The following WNT9B variants were observed in gnomAD, a reference collection of about 807,000 sequenced individuals.
WNT9B encodes the protein protein Wnt-9b.
Under a neutral mutation model 30.2 loss-of-function variants are expected in WNT9B, and 12 were observed. The ratio of observed to expected loss-of-function variants is 0.40; its 90% CI spans 0.26 to 0.64. The LOEUF is 0.64. WNT9B is among the 30% of genes least tolerant of loss of function. The pLI is 0.42. For missense variants in WNT9B, 442 were observed against 485.2 expected (o/e 0.91, Z 0.84); for synonymous variants, 218 against 216.9 (o/e 1.01, Z -0.05).
At chr17:46,884,242 C>T (rs1163263536), downstream of WNT9B, among the ~76,000 whole-genome samples, 1 of 152,210 alleles carries the variant, frequency 6.6e-6, no homozygotes, top group African/African-American at 2.4e-5. Flanking sequence ...CCGGGGTCAC[C>T]TGACGCTGAC....
At chr17:46,851,113 G>T (rs2084836263), upstream of WNT9B, among the ~76,000 whole-genome samples, 1 of 152,156 alleles carries the variant, frequency 6.6e-6, no homozygotes, top group Non-Finnish European at 1.5e-5. This position sits in a 1 kb window ranked among gnomAD's most constrained non-coding sequence, Gnocchi z 4.3. Context: ...GAGTCTGCGG[G>T]CTGCGGCGAA....
At chr17:46,883,135 C>T (rs565745537), downstream of WNT9B, among the ~76,000 whole-genome samples, 55 of 152,050 alleles carry the variant, frequency 3.6e-4, no homozygotes, top group Non-Finnish European at 7.4e-4. Context: ...CCCGCCACCA[C>T]GCCCGGCTAA....
At chr17:46,836,726 A>T (rs1377248672) in intron 1 of WNT9B, among the ~76,000 whole-genome samples, 1 of 152,154 alleles carries the variant, frequency 6.6e-6, no homozygotes, top group Non-Finnish European at 1.5e-5. Context: ...GGAGGTGAGC[A>T]GGGTTGGCCA....
chr17:46,841,100 G>A (rs1040628812), intron 1 of WNT9B, among the ~76,000 whole-genome samples: 25 of 152,188 alleles, frequency 1.6e-4, no homozygotes, highest in African/African-American at 4.8e-4. Flanking sequence ...CTAGGAAAGA[G>A]GGTGCCGACA....
intron 1 of WNT9B, among the ~76,000 whole-genome samples, chr17:46,854,047 G>T (rs1255169169): frequency 1.3e-5 from 2 of 152,120 alleles, no homozygotes; most frequent in Admixed American, 1.3e-4. Context: ...CAGGTCAGGA[G>T]CCCAGCTGGA....
upstream of WNT9B, among the ~76,000 whole-genome samples, chr17:46,847,442 G>T (rs2084788957): frequency 6.6e-6 from 1 of 152,220 alleles, no homozygotes; most frequent in African/African-American, 2.4e-5. Context: ...GTGCAATGTT[G>T]CAAGGGCATT....
At chr17:46,859,667 G>A (rs1427622577) in intron 1 of WNT9B, among the ~76,000 whole-genome samples, 3 of 152,124 alleles carry the variant, frequency 2.0e-5, no homozygotes, top group African/African-American at 7.2e-5. Context: ...AATTGCATGG[G>A]CTATTCAGGG....
intron 1 of WNT9B, among the ~76,000 whole-genome samples, chr17:46,838,754 G>A (rs1384045757): frequency 1.3e-5 from 2 of 152,156 alleles, no homozygotes; most frequent in Admixed American, 6.6e-5. Flanking sequence ...CAGCCTTCAA[G>A]CAGATGCAGT....
At chr17:46,858,848 G>A (rs2084983951) in intron 1 of WNT9B, among the ~76,000 whole-genome samples, 1 of 151,844 alleles carries the variant, frequency 6.6e-6, no homozygotes, top group Non-Finnish European at 1.5e-5. Context: ...TTATTTTTTT[G>A]TAGAGATGGG....
At chr17:46,839,347 C>T (rs2084671673) in intron 1 of WNT9B, among the ~76,000 whole-genome samples, 1 of 152,194 alleles carries the variant, frequency 6.6e-6, no homozygotes, top group Admixed American at 6.5e-5. Context: ...GGTACCTGAC[C>T]CTTGGCACTC....
At chr17:46,873,644 A>C (rs567654563) in intron 2 of WNT9B, among the ~76,000 whole-genome samples, 160 of 152,184 alleles carry the variant, frequency 1.1e-3, no homozygotes, top group African/African-American at 3.5e-3. Context: ...GGATCACTTT[A>C]GGTCAGGAGT....
At chr17:46,845,532 C>T (rs866096360) in intron 1 of WNT9B, among the ~76,000 whole-genome samples, 1 of 148,624 alleles carries the variant, frequency 6.7e-6, no homozygotes, top group African/African-American at 2.5e-5. Context: ...CTCTGTCACC[C>T]TGGCCAGAGT....
intron 1 of WNT9B, among the ~76,000 whole-genome samples, chr17:46,861,303 C>T (rs763492957): frequency 6.6e-6 from 1 of 152,142 alleles, no homozygotes; most frequent in Admixed American, 6.5e-5. Flanking sequence ...GTAGAGACCT[C>T]GGGGCCCTGC....
At chr17:46,838,537 G>T (rs1003253151) in intron 1 of WNT9B, among the ~76,000 whole-genome samples, 6 of 152,042 alleles carry the variant, frequency 3.9e-5, no homozygotes, top group African/African-American at 1.4e-4. Flanking sequence ...TAAGGCAGGA[G>T]GATCGCTTGA....
downstream of WNT9B, among the ~76,000 whole-genome samples, chr17:46,884,237 G>A (rs1420763612): frequency 6.6e-6 from 1 of 152,200 alleles, no homozygotes; most frequent in Non-Finnish European, 1.5e-5. Context: ...CGAGCCCGGG[G>A]TCACCTGACG....
chr17:46,835,905 G>A (rs957896395), intron 1 of WNT9B, among the ~76,000 whole-genome samples: 1 of 152,186 alleles, frequency 6.6e-6, no homozygotes, highest in Non-Finnish European at 1.5e-5. Flanking sequence ...CAGGAGACCC[G>A]GCCCTTCTCT....
chr17:46,877,026 T>C lies in WNT9B; in HGVS notation c.*308T>C. 8.4e-7 allele frequency: 1 copy of C among 1,189,682 alleles called. No homozygotes were observed. Among genetic ancestry groups the C allele is most frequent in the Non-Finnish European group, 1.0e-6 (1 of 960,292 alleles). The allele number at this position is 1,189,682 out of a possible 1,614,324, so 73.7% of individuals were successfully genotyped here. On this transcript the variant is annotated 3_prime_UTR_variant, in exon 4 of 4. Transcript: ENST00000290015. ...AGGGAGACCAAGAGCACAGCAGGAC[T>C]GAAATTTTGGACGGGAGAGAGGGGC...
At chr17:46,869,810 C>T (rs1414132146) in intron 1 of WNT9B, among the ~76,000 whole-genome samples, 1 of 151,970 alleles carries the variant, frequency 6.6e-6, no homozygotes, top group East Asian at 1.9e-4. Context: ...ACCAGCCTGG[C>T]TAACATGGTG....
intron 1 of WNT9B, among the ~76,000 whole-genome samples, chr17:46,838,417 A>T (rs2084659446): frequency 2.0e-5 from 3 of 152,004 alleles, no homozygotes; most frequent in Admixed American, 2.0e-4. Flanking sequence ...ACCTGAACCC[A>T]GGAGTTCAAG....
Sources: gnomAD v4.1 joint callset for allele counts (sites outside exome capture counted in the v4.1 genomes callset) on GRCh38, gnomAD v4.1.1 for gene constraint, Gnocchi (gnomAD v3.1) non-coding constraint, MANE v1.5 for transcripts, NCBI Gene and HGNC (gene_info 2026-07-23, HGNC 2026-07-21) for gene names.